The following PSMA1 variants were observed in gnomAD, a reference collection of about 807,000 sequenced individuals.
PSMA1 encodes the protein proteasome subunit alpha type-1.
PSMA1 carries 3 observed loss-of-function variants against 38.4 expected under a neutral mutation model. The observed-to-expected ratio is 0.08, with a 90% confidence interval of 0.04 to 0.20. The LOEUF (loss-of-function observed/expected upper bound fraction) is 0.20. Among genes scored for constraint, PSMA1 ranks in the 10% least tolerant of loss-of-function variants. PSMA1 has a pLI of 1.00. For missense variants in PSMA1, 227 were observed against 325.3 expected (o/e 0.70, Z 2.32); for synonymous variants, 101 against 107.1 (o/e 0.94, Z 0.35).
Position 14,633,209 on chromosome 11 carries a change from C to T in PSMA1, c.-166+10246G>A, listed in dbSNP as rs1485844159. On this transcript the variant is annotated intron_variant, in intron 1 of 10. Coordinates refer to the PSMA1 transcript ENST00000418988. ...CTGCGTTCCTTTGGAGGAGGAGAGG[C>T]GCTCTGCTTTTTAGAGTTTCCAGTT... Among the ~76,000 whole-genome samples the T allele has an allele frequency of 3.7e-3, 519 of 141,880 alleles. 2 individuals carry two copies. Among genetic ancestry groups the T allele is most frequent in the South Asian group, 0.013 (55 of 4,400 alleles). The allele number at this position is 141,880 out of a possible 152,430, so 93.1% of individuals were successfully genotyped here.
intron 2 of PSMA1, among the ~76,000 whole-genome samples, chr11:14,563,921 C>A (rs1200844979): frequency 6.6e-6 from 1 of 152,118 alleles, no homozygotes; most frequent in Non-Finnish European, 1.5e-5. Flanking sequence ...TAAAGTGTTT[C>A]TCTTCTCCCA....
chr11:14,583,028 G>C (rs924370651), intron 2 of PSMA1, among the ~76,000 whole-genome samples: 2 of 152,144 alleles, frequency 1.3e-5, no homozygotes, highest in Admixed American at 6.5e-5. Flanking sequence ...CTGCGCTCAC[G>C]TAATTCGGTG....
chr11:14,544,190 C>T (rs1168663752), intron 2 of PSMA1, among the ~76,000 whole-genome samples: 6 of 152,180 alleles, frequency 3.9e-5, no homozygotes, highest in African/African-American at 7.2e-5. Context: ...ACACCAAGCC[C>T]GGCTAATTTT....
At chr11:14,557,496 C>T (rs938821136) in intron 2 of PSMA1, among the ~76,000 whole-genome samples, 1 of 152,198 alleles carries the variant, frequency 6.6e-6, no homozygotes, top group Admixed American at 6.5e-5. Context: ...CCCACCTCGG[C>T]CCCCCAAAGT....
intron 1 of PSMA1, among the ~76,000 whole-genome samples, chr11:14,613,521 T>C (rs1359032696): frequency 6.6e-6 from 1 of 152,150 alleles, no homozygotes; most frequent in Non-Finnish European, 1.5e-5. Context: ...CCCAAAGTGC[T>C]GGGATTATAG....
At chr11:14,605,473 G>A (rs749394413) in intron 2 of PSMA1, among the ~76,000 whole-genome samples, 2 of 151,900 alleles carry the variant, frequency 1.3e-5, no homozygotes, top group Non-Finnish European at 2.9e-5. Context: ...AGCCTCAATC[G>A]CCCAGGCTCA....
At chr11:14,512,564 C>G (rs1284256393) in intron 7 of PSMA1, among the ~76,000 whole-genome samples, 1 of 152,056 alleles carries the variant, frequency 6.6e-6, no homozygotes, top group South Asian at 2.1e-4. Flanking sequence ...AGTTCTGAAC[C>G]AAACTTTGGA....
At chr11:14,576,083 C>G (rs1852210464) in intron 2 of PSMA1, among the ~76,000 whole-genome samples, 1 of 152,108 alleles carries the variant, frequency 6.6e-6, no homozygotes, top group South Asian at 2.1e-4. Flanking sequence ...TGTTCATATC[C>G]TTTGCCCACT....
chr11:14,558,160 C>G (rs1051717532), intron 2 of PSMA1, among the ~76,000 whole-genome samples: 6 of 151,368 alleles, frequency 4.0e-5, no homozygotes, highest in African/African-American at 1.2e-4. Context: ...CGGCTGTAAT[C>G]CCAGCACTCA....
chr11:14,627,468 T>G (rs1020737416), intron 1 of PSMA1, among the ~76,000 whole-genome samples: 3 of 152,198 alleles, frequency 2.0e-5, no homozygotes, highest in African/African-American at 7.2e-5. Flanking sequence ...ATGGTTCTTG[T>G]GTACCAAAGT....
At chr11:14,542,656 T>C (rs1851785302) in intron 2 of PSMA1, among the ~76,000 whole-genome samples, 1 of 152,202 alleles carries the variant, frequency 6.6e-6, no homozygotes. Context: ...ACCTACAATG[T>C]CTGCACAATA....
chr11:14,583,486 C>T (rs184373848), intron 2 of PSMA1, among the ~76,000 whole-genome samples: 37 of 152,296 alleles, frequency 2.4e-4, no homozygotes, highest in African/African-American at 7.0e-4. Context: ...TCTGGGCCAG[C>T]GCTCAGAATG....
exon 2 of PSMA1, chr11:14,611,146 G>C: frequency 1.6e-6 from 1 of 634,462 alleles, no homozygotes; most frequent in South Asian, 1.9e-5. Flanking sequence ...TTGCAGGGTG[G>C]AATACCTGAA....
chr11:14,551,602 AGATCATAGCCAAT>A (rs1851886259), intron 2 of PSMA1, among the ~76,000 whole-genome samples: 1 of 152,214 alleles, frequency 6.6e-6, no homozygotes, highest in Admixed American at 6.5e-5. Context: ...TGGATTTGGG[AGATCATAGCCAAT>A]GAACTTCCAG....
At chr11:14,594,008 G>C (rs1852454131) in intron 2 of PSMA1, among the ~76,000 whole-genome samples, 1 of 152,156 alleles carries the variant, frequency 6.6e-6, no homozygotes, top group South Asian at 2.1e-4. Context: ...AGTCTGCCTG[G>C]GGACTTCTAG....
At chr11:14,587,376 G>A (rs1236209852) in intron 2 of PSMA1, among the ~76,000 whole-genome samples, 1 of 152,160 alleles carries the variant, frequency 6.6e-6, no homozygotes, top group Non-Finnish European at 1.5e-5. Flanking sequence ...TCTCCTGGTG[G>A]TTTTTGCTCC....
chr11:14,505,290 C>G (rs1482788793), intron 9 of PSMA1, 42 bp from the exon 10 acceptor site: 3 of 1,495,556 alleles, frequency 2.0e-6, no homozygotes, highest in Non-Finnish European at 2.8e-6. Context: ...AAAATGAACA[C>G]TTGATCAATA....
intron 2 of PSMA1, among the ~76,000 whole-genome samples, chr11:14,593,170 G>A (rs1852443186): frequency 6.6e-6 from 1 of 152,136 alleles, no homozygotes; most frequent in Admixed American, 6.5e-5. Context: ...TCTCAAATGA[G>A]AAAACAGAGC....
intron 2 of PSMA1, among the ~76,000 whole-genome samples, chr11:14,598,999 C>G (rs1342712917): frequency 6.6e-6 from 1 of 152,066 alleles, no homozygotes; most frequent in Non-Finnish European, 1.5e-5. Context: ...ACTTATGAAG[C>G]TTAGTTTGGC....
Sources: gnomAD v4.1 joint callset for allele counts (sites outside exome capture counted in the v4.1 genomes callset) on GRCh38, gnomAD v4.1.1 for gene constraint, MANE v1.5 for transcripts, NCBI Gene and HGNC (gene_info 2026-07-23, HGNC 2026-07-21) for gene names.